Variants in HS3ST5 observed in about 807,000 individuals in gnomAD.
HS3ST5 encodes heparan sulfate glucosamine 3-O-sulfotransferase 5.
HS3ST5 carries 10 observed loss-of-function variants against 25.4 expected under a neutral mutation model. That is an observed-to-expected ratio of 0.39 (90% CI 0.24 to 0.67). The LOEUF is 0.67. Among genes scored for constraint, HS3ST5 ranks in the 30% least tolerant of loss-of-function variants. HS3ST5 has a pLI of 0.44. For synonymous variants in HS3ST5, 170 were observed against 162.4 expected (o/e 1.05, Z -0.36); for missense variants, 324 against 420.7 (o/e 0.77, Z 2.01).
intron 1 of HS3ST5, among the ~76,000 whole-genome samples, chr6:114,261,503 T>G (rs1257628347): frequency 6.6e-6 from 1 of 151,984 alleles, no homozygotes; most frequent in Non-Finnish European, 1.5e-5. Flanking sequence ...TTAAAGAGAG[T>G]GGTGACAATT....
chr6:114,280,572 T>G (rs1774063557), intron 1 of HS3ST5, among the ~76,000 whole-genome samples: 1 of 152,040 alleles, frequency 6.6e-6, no homozygotes, highest in Non-Finnish European at 1.5e-5. Context: ...GTTAAACTAT[T>G]AAGTTACTTC....
At chr6:114,290,739 A>C (rs568322292) in intron 1 of HS3ST5, among the ~76,000 whole-genome samples, 8 of 152,188 alleles carry the variant, frequency 5.3e-5, no homozygotes, top group Non-Finnish European at 1.2e-4. Context: ...CAACTTGACA[A>C]TTACTAGGTG....
intron 3 of HS3ST5, among the ~76,000 whole-genome samples, chr6:114,150,834 T>C (rs1049886934): frequency 2.0e-5 from 3 of 152,210 alleles, no homozygotes; most frequent in Admixed American, 2.0e-4. Context: ...GAAGGAATCG[T>C]CAAATTGTCT....
intron 1 of HS3ST5, among the ~76,000 whole-genome samples, chr6:114,260,888 G>C (rs1237593582): frequency 6.6e-6 from 1 of 152,166 alleles, no homozygotes; most frequent in South Asian, 2.1e-4. Context: ...ACATTAGGTA[G>C]GTCCTAAACT....
At chr6:114,232,608 C>A (rs1771651248) in intron 1 of HS3ST5, among the ~76,000 whole-genome samples, 1 of 152,192 alleles carries the variant, frequency 6.6e-6, no homozygotes, top group African/African-American at 2.4e-5. Context: ...CAGCCTTCAT[C>A]CAGTGTTCTC....
chr6:114,210,085 C>T (rs1781446785), intron 2 of HS3ST5, among the ~76,000 whole-genome samples: 1 of 152,048 alleles, frequency 6.6e-6, no homozygotes. Context: ...TGTAAATACT[C>T]TATTGTAAAT....
intron 2 of HS3ST5, among the ~76,000 whole-genome samples, chr6:114,175,304 G>C (rs375140983): frequency 3.3e-5 from 5 of 152,208 alleles, no homozygotes; most frequent in East Asian, 3.9e-4. Context: ...GGCATCTTAT[G>C]AATATTGTTA....
At chr6:114,302,458 C>T (rs542174367) in intron 1 of HS3ST5, among the ~76,000 whole-genome samples, 1 of 152,110 alleles carries the variant, frequency 6.6e-6, no homozygotes, top group Non-Finnish European at 1.5e-5. Flanking sequence ...ATTAAACTAT[C>T]AATCACCTGC....
chr6:114,207,432 C>A (rs887465534), intron 2 of HS3ST5, among the ~76,000 whole-genome samples: 1 of 152,090 alleles, frequency 6.6e-6, no homozygotes, highest in African/African-American at 2.4e-5. Context: ...ACAATACTAT[C>A]TCTGCTACAG....
At chr6:114,092,699 G>C in intron 3 of HS3ST5, among the ~76,000 whole-genome samples, 1 of 150,116 alleles carries the variant, frequency 6.7e-6, no homozygotes, top group Non-Finnish European at 1.5e-5. Flanking sequence ...TTTTGAGAAG[G>C]AGTTTCACTC....
intron 3 of HS3ST5, among the ~76,000 whole-genome samples, chr6:114,113,420 A>G (rs1776363806): frequency 6.6e-6 from 1 of 151,956 alleles, no homozygotes; most frequent in African/African-American, 2.4e-5. Flanking sequence ...TACTCCAGTC[A>G]CACTGGCCCC....
intron 1 of HS3ST5, among the ~76,000 whole-genome samples, chr6:114,303,086 ATGGATTTCTGCAC>A (rs1194114477): frequency 6.6e-6 from 1 of 152,168 alleles, no homozygotes; most frequent in Non-Finnish European, 1.5e-5. Flanking sequence ...GGCAGGTTGG[ATGGATTTCTGCAC>A]TGGGGTGTAA....
At chr6:114,195,864 C>T (rs1253052599) in intron 2 of HS3ST5, among the ~76,000 whole-genome samples, 1 of 152,022 alleles carries the variant, frequency 6.6e-6, no homozygotes, top group Admixed American at 6.6e-5. Context: ...GTACAGAAGG[C>T]CTTGTCTAAG....
At chr6:114,116,348 A>G (rs547874044) in intron 3 of HS3ST5, among the ~76,000 whole-genome samples, 1 of 152,228 alleles carries the variant, frequency 6.6e-6, no homozygotes, top group Admixed American at 6.6e-5. Context: ...GGGATGGGAG[A>G]AAGAAATGCC....
intron 1 of HS3ST5, among the ~76,000 whole-genome samples, chr6:114,255,275 G>A (rs72954595): frequency 3.3e-4 from 50 of 152,332 alleles, no homozygotes; most frequent in Admixed American, 7.2e-4. Context: ...TTCACATCCA[G>A]GTCACACTGA....
chr6:114,071,820 T>G (rs938032243), intron 3 of HS3ST5, among the ~76,000 whole-genome samples: 3 of 152,246 alleles, frequency 2.0e-5, no homozygotes, highest in Non-Finnish European at 4.4e-5. Flanking sequence ...ATTCGCTGAT[T>G]GTTAATGTTT....
intron 3 of HS3ST5, among the ~76,000 whole-genome samples, chr6:114,096,839 T>A (rs1175129493): frequency 6.6e-6 from 1 of 152,114 alleles, no homozygotes; most frequent in Non-Finnish European, 1.5e-5. Flanking sequence ...TGCTCTGTAA[T>A]TTAAAGTATA....
intron 3 of HS3ST5, among the ~76,000 whole-genome samples, chr6:114,082,688 A>G (rs1204541096): frequency 6.6e-6 from 1 of 152,196 alleles, no homozygotes; most frequent in African/African-American, 2.4e-5. Flanking sequence ...CAAATAATCA[A>G]TATGTCAGTA....
intron 2 of HS3ST5, among the ~76,000 whole-genome samples, chr6:114,221,973 G>A (rs1309826298): frequency 1.4e-5 from 2 of 139,030 alleles, no homozygotes; most frequent in East Asian, 2.2e-4. Flanking sequence ...GAGCTTGTAA[G>A]TATCTCAAGT....
Sources: gnomAD v4.1 joint callset for allele counts (sites outside exome capture counted in the v4.1 genomes callset) on GRCh38, gnomAD v4.1.1 for gene constraint, MANE v1.5 for transcripts, NCBI Gene and HGNC (gene_info 2026-07-23, HGNC 2026-07-21) for gene names.